The following ZMIZ1 variants were observed in gnomAD, a reference collection of about 807,000 sequenced individuals.
ZMIZ1 encodes the protein zinc finger MIZ-type containing 1.
ZMIZ1 carries 17 observed loss-of-function variants against 113.9 expected under a neutral mutation model. The ratio of observed to expected loss-of-function variants is 0.15; its 90% CI spans 0.10 to 0.22. The LOEUF is 0.22. Among genes scored for constraint, ZMIZ1 ranks in the 10% least tolerant of loss-of-function variants. The pLI is 1.00. For synonymous variants in ZMIZ1, 607 were observed against 603.1 expected, an observed-to-expected ratio of 1.01 and a Z score of -0.09; for missense variants, 1,059 against 1,477.8, an observed-to-expected ratio of 0.72 and a Z score of 4.65.
chr10:79,187,475 C>A (rs1056981445), intron 4 of ZMIZ1, among the ~76,000 whole-genome samples: 1 of 152,212 alleles, frequency 6.6e-6, no homozygotes, highest in South Asian at 2.1e-4. Context: ...GTGGTGCCCA[C>A]TTTGCTGGGC....
Position 79,312,929 on chromosome 10 carries a change from G to T in ZMIZ1, c.*180G>T, listed in dbSNP as rs962824683. 7 of 608,278 alleles carry T rather than the reference G, an allele frequency of 1.2e-5. No individual in the cohort carries two copies. The highest frequency in any genetic ancestry group is 6.1e-5 in the Admixed American group (2 of 32,964). 37.7% of individuals were successfully genotyped at this position (608,278 alleles called of 1,614,324 possible). A position where few individuals can be genotyped will look rare whatever the true frequency, so the allele number is the denominator to read the frequency against. ...ACAGAGGGGTAGGGAGGGTGCACCA[G>T]TGCACCAGGAAGGCTGTGTGGGTCT... On this transcript the variant is annotated 3_prime_UTR_variant, in exon 25 of 25. Coordinates refer to ENST00000334512, the MANE Select transcript of ZMIZ1 (RefSeq NM_020338.4).
intron 8 of ZMIZ1, among the ~76,000 whole-genome samples, chr10:79,278,342 CT>C (rs1213984853): frequency 6.6e-6 from 1 of 152,120 alleles, no homozygotes; most frequent in African/African-American, 2.4e-5. Flanking sequence ...CAGCTCCAAG[CT>C]TCTCTTCTGT....
At chr10:79,082,733 G>A (rs956013909) in intron 1 of ZMIZ1, among the ~76,000 whole-genome samples, 4 of 152,250 alleles carry the variant, frequency 2.6e-5, no homozygotes, top group Non-Finnish European at 5.9e-5. Flanking sequence ...GGGACAATGG[G>A]CAGAGTAGCA....
At chr10:79,130,411 C>G (rs908725364) in intron 2 of ZMIZ1, among the ~76,000 whole-genome samples, 1 of 152,222 alleles carries the variant, frequency 6.6e-6, no homozygotes, top group Non-Finnish European at 1.5e-5. Flanking sequence ...CACTCCAACC[C>G]TACCCAGTAT....
intron 18 of ZMIZ1, 118 bp from the exon 19 acceptor site, chr10:79,303,897 C>A (rs1782649): frequency 7.0e-7 from 1 of 1,425,754 alleles, no homozygotes; most frequent in Non-Finnish European, 9.6e-7. Context: ...TTGGTGTGGG[C>A]TGGGAGGAGA....
chr10:79,085,653 CG>C (rs1564641543), intron 1 of ZMIZ1, among the ~76,000 whole-genome samples: 2 of 152,208 alleles, frequency 1.3e-5, no homozygotes, highest in Non-Finnish European at 2.9e-5. Flanking sequence ...CCAATAAACA[CG>C]CTTGTTAGGA....
chr10:79,178,405 T>A (rs913769249), intron 4 of ZMIZ1, among the ~76,000 whole-genome samples: 6 of 152,170 alleles, frequency 3.9e-5, no homozygotes, highest in Admixed American at 2.0e-4. Context: ...CGCCATTCTC[T>A]CCACCATCAC....
At position 79,243,172 on chromosome 10, in the gene ZMIZ1, G is replaced by T. The variant is rs866505892; in HGVS notation, c.280+26898G>T. 1.7e-3 allele frequency among the ~76,000 whole-genome samples: 264 copies of T among 151,152 alleles called. 1 individual carries two copies. The highest frequency in any genetic ancestry group is 6.2e-3 in the African/African-American group (256 of 41,384). On this transcript the variant is annotated intron_variant, in intron 7 of 24. Transcript: ENST00000334512. ...TCCCCCGGAGCCCCCAGCCCCACGC[G>T]GGCACACGCAGGGTGGGTGGTCACG...
rs2131972466 is a variant in ZMIZ1, at chr10:79,277,039, CTGAG to C, written c.281-140_281-137del. 3 of 1,066,780 alleles carry C rather than the reference CTGAG, an allele frequency of 2.8e-6. No individual in the cohort carries two copies. The East Asian group carries it at 8.7e-5, about 31-fold the overall frequency. The allele number at this position is 1,066,780 out of a possible 1,614,324, so 66.1% of individuals were successfully genotyped here. A position where few individuals can be genotyped will look rare whatever the true frequency, so the allele number is the denominator to read the frequency against. On this transcript the variant is annotated intron_variant, in intron 7 of 24. Coordinates refer to ENST00000334512, the MANE Select transcript of ZMIZ1 (RefSeq NM_020338.4). ...AGAATACTGAGGCCTCCCAAGAGGG[CTGAG>C]TAAGTCTTCTGGCGTCACACGAATC...
intron 7 of ZMIZ1, among the ~76,000 whole-genome samples, chr10:79,238,352 G>C (rs1193419153): frequency 6.6e-6 from 1 of 152,242 alleles, no homozygotes; most frequent in Non-Finnish European, 1.5e-5. Flanking sequence ...GGTCCAGGAT[G>C]AGTGGCCCTG....
chr10:79,257,379 TC>T (rs1850981364), intron 7 of ZMIZ1, among the ~76,000 whole-genome samples: 1 of 152,242 alleles, frequency 6.6e-6, no homozygotes, highest in African/African-American at 2.4e-5. Flanking sequence ...AGTTGTGCTG[TC>T]CTGGTTGCTC....
At chr10:79,252,375 C>T (rs181862608) in intron 7 of ZMIZ1, among the ~76,000 whole-genome samples, 62 of 152,256 alleles carry the variant, frequency 4.1e-4, no homozygotes, top group African/African-American at 1.4e-3. Context: ...AAGATTTCTC[C>T]CCTGGGGTTT....
At chr10:79,208,857 C>T (rs1261134883) in intron 6 of ZMIZ1, among the ~76,000 whole-genome samples, 3 of 152,206 alleles carry the variant, frequency 2.0e-5, no homozygotes, top group Non-Finnish European at 4.4e-5. Flanking sequence ...TTCAGGTAAG[C>T]ATTGATTGAG....
intron 7 of ZMIZ1, among the ~76,000 whole-genome samples, chr10:79,255,521 A>G (rs1850832420): frequency 6.6e-6 from 1 of 151,950 alleles, no homozygotes; most frequent in South Asian, 2.1e-4. Flanking sequence ...GTTCCTAACC[A>G]TCTCTGTCTT....
intron 8 of ZMIZ1, among the ~76,000 whole-genome samples, chr10:79,287,552 T>G (rs746565629): frequency 6.6e-6 from 1 of 152,248 alleles, no homozygotes; most frequent in Non-Finnish European, 1.5e-5. Context: ...TCAAACCTAT[T>G]TGACCAAGAT....
intron 3 of ZMIZ1, among the ~76,000 whole-genome samples, chr10:79,141,196 T>A (rs566228511): frequency 3.9e-5 from 6 of 152,148 alleles, no homozygotes; most frequent in Non-Finnish European, 8.8e-5. Flanking sequence ...GGAGGCGGCA[T>A]TGCTCATGCA....
intron 4 of ZMIZ1, among the ~76,000 whole-genome samples, chr10:79,189,077 C>T (rs1847481656): frequency 6.6e-6 from 1 of 152,202 alleles, no homozygotes; most frequent in Non-Finnish European, 1.5e-5. Context: ...CAGACTTCAT[C>T]TGGGCATCGA....
At chr10:79,283,586 A>G in intron 8 of ZMIZ1, among the ~76,000 whole-genome samples, 1 of 152,190 alleles carries the variant, frequency 6.6e-6, no homozygotes, top group Admixed American at 6.5e-5. Flanking sequence ...GGTTTTGCAT[A>G]GCTTCACCAA....
intron 1 of ZMIZ1, among the ~76,000 whole-genome samples, chr10:79,076,365 G>A (rs1389038615): frequency 6.6e-6 from 1 of 152,192 alleles, no homozygotes; most frequent in Non-Finnish European, 1.5e-5. Context: ...GAACCTTGGG[G>A]GTGGGGTTCA....
Sources: gnomAD v4.1 joint callset for allele counts (sites outside exome capture counted in the v4.1 genomes callset) on GRCh38, gnomAD v4.1.1 for gene constraint, MANE v1.5 for transcripts, NCBI Gene and HGNC (gene_info 2026-07-23, HGNC 2026-07-21) for gene names.